ADGRL3: variants seen among roughly 807,000 people sequenced by gnomAD.
ADGRL3 encodes calcium-independent alpha-latrotoxin receptor 3.
Under a neutral mutation model 153.5 loss-of-function variants are expected in ADGRL3, and 62 were observed. That is an observed-to-expected ratio of 0.40 (90% CI 0.33 to 0.50). ADGRL3 has a LOEUF of 0.50. Among genes scored for constraint, ADGRL3 ranks in the 20% least tolerant of loss-of-function variants. The pLI is 0.47. For synonymous variants in ADGRL3, 710 were observed against 672.5 expected, an observed-to-expected ratio of 1.06 and a Z score of -0.86; for missense variants, 1,641 against 1,859.4, an observed-to-expected ratio of 0.88 and a Z score of 2.16.
At chr4:62,039,271 G>A (rs1053943422) in intron 24 of ADGRL3, among the ~76,000 whole-genome samples, 2 of 151,986 alleles carry the variant, frequency 1.3e-5, no homozygotes, top group Non-Finnish European at 2.9e-5. Context: ...CACATCAACT[G>A]TCAGACTAGT....
intron 8 of ADGRL3, among the ~76,000 whole-genome samples, chr4:61,754,693 T>C (rs113726791): frequency 0.086 from 13,144 of 152,056 alleles, 1,210 homozygotes; most frequent in African/African-American, 0.23. Context: ...TATGTATACA[T>C]GTGCCATGTT....
chr4:62,059,467 G>C (rs919542240), intron 25 of ADGRL3, among the ~76,000 whole-genome samples: 2 of 152,130 alleles, frequency 1.3e-5, no homozygotes, highest in Admixed American at 6.6e-5. Flanking sequence ...GAAAGTGAGT[G>C]CTAGACAGTA....
At chr4:61,982,601 G>A (rs1226060658) in intron 18 of ADGRL3, among the ~76,000 whole-genome samples, 1 of 152,148 alleles carries the variant, frequency 6.6e-6, no homozygotes, top group African/African-American at 2.4e-5. Flanking sequence ...TTAAGGAACT[G>A]ACATAAGAGT....
At chr4:61,426,378 C>G (rs892425572) in intron 2 of ADGRL3, among the ~76,000 whole-genome samples, 1 of 152,136 alleles carries the variant, frequency 6.6e-6, no homozygotes, top group African/African-American at 2.4e-5. Context: ...TAGGCTGGAC[C>G]GCAACAGCAG....
At chr4:61,718,995 G>A (rs569720301) in intron 6 of ADGRL3, among the ~76,000 whole-genome samples, 1 of 152,266 alleles carries the variant, frequency 6.6e-6, no homozygotes, top group African/African-American at 2.4e-5. Flanking sequence ...GAATGAGAGG[G>A]AAAGCATACT....
At chr4:61,913,829 TAGTC>T (rs1184688914) in intron 13 of ADGRL3, among the ~76,000 whole-genome samples, 1 of 152,166 alleles carries the variant, frequency 6.6e-6, no homozygotes, top group Non-Finnish European at 1.5e-5. Flanking sequence ...GGGGCAAACT[TAGTC>T]AGATTATGAA....
Position 61,305,192 on chromosome 4 carries a change from T to C in ADGRL3, c.-239-77932T>C, listed in dbSNP as rs539242758. On this transcript the variant is annotated intron_variant, in intron 1 of 26. Coordinates refer to ENST00000683033, the MANE Select transcript of ADGRL3 (RefSeq NM_001387552.1). ...CAAGTGACTTTTTTTTTTTTAACTA[T>C]TTTGAGTCTATAATAAATAAGATAC... 2.3e-4 allele frequency among the ~76,000 whole-genome samples: 35 copies of C among 152,222 alleles called. No individual in the cohort carries two copies. In the South Asian group the frequency reaches 2.7e-3, roughly 12 times the overall value.
chr4:61,868,083 T>C (rs1247615857), intron 9 of ADGRL3, among the ~76,000 whole-genome samples: 6 of 152,208 alleles, frequency 3.9e-5, no homozygotes, highest in African/African-American at 4.8e-5. Flanking sequence ...AAAATTTAAA[T>C]TGAATCGTAT....
intron 8 of ADGRL3, among the ~76,000 whole-genome samples, chr4:61,770,969 ACAAGGTCAT>A (rs1180185083): frequency 6.6e-6 from 1 of 152,200 alleles, no homozygotes; most frequent in African/African-American, 2.4e-5. Flanking sequence ...ATAATTAGGC[ACAAGGTCAT>A]CAAAGAGTGA....
chr4:61,972,833 T>C (rs1267427833), intron 17 of ADGRL3, among the ~76,000 whole-genome samples: 2 of 152,148 alleles, frequency 1.3e-5, no homozygotes, highest in African/African-American at 4.8e-5. Context: ...GAGGCAATTT[T>C]AAACTCATAT....
intron 5 of ADGRL3, among the ~76,000 whole-genome samples, chr4:61,642,385 T>A (rs1327700925): frequency 1.3e-5 from 2 of 152,216 alleles, no homozygotes; most frequent in Non-Finnish European, 2.9e-5. Flanking sequence ...TGAATGGTAA[T>A]GCCTAGGTTT....
intron 1 of ADGRL3, among the ~76,000 whole-genome samples, chr4:61,373,387 A>G (rs1253490296): frequency 6.6e-6 from 1 of 152,130 alleles, no homozygotes; most frequent in Non-Finnish European, 1.5e-5. Flanking sequence ...GAGACATAAC[A>G]ATTTTTCATT....
intron 8 of ADGRL3, among the ~76,000 whole-genome samples, chr4:61,784,129 A>G (rs972751510): frequency 1.3e-5 from 2 of 152,110 alleles, no homozygotes; most frequent in African/African-American, 2.4e-5. Flanking sequence ...AATATTTTTC[A>G]TCAATAACTT....
chr4:61,581,794 G>C (rs1293040871), intron 4 of ADGRL3, among the ~76,000 whole-genome samples: 1 of 151,878 alleles, frequency 6.6e-6, no homozygotes, highest in African/African-American at 2.4e-5. Flanking sequence ...AGCCATTCTT[G>C]TCACTCTCTC....
At chr4:61,475,547 AC>A (rs1259498057) in intron 2 of ADGRL3, among the ~76,000 whole-genome samples, 1 of 152,080 alleles carries the variant, frequency 6.6e-6, no homozygotes, top group Non-Finnish European at 1.5e-5. Context: ...TAGCAAAGCC[AC>A]TCTGATTTTT....
intron 6 of ADGRL3, among the ~76,000 whole-genome samples, chr4:61,710,467 T>G (rs1199928121): frequency 6.6e-6 from 1 of 152,192 alleles, no homozygotes; most frequent in East Asian, 1.9e-4. Context: ...CCAGAGCCAT[T>G]GTCTTTTACC....
At chr4:61,454,739 G>A (rs1045160371) in intron 2 of ADGRL3, among the ~76,000 whole-genome samples, 69 of 152,074 alleles carry the variant, frequency 4.5e-4, no homozygotes, top group African/African-American at 1.6e-3. Flanking sequence ...TTTTGTCTAT[G>A]CAAGACTCAT....
chr4:61,295,958 A>G (rs1004408545), intron 1 of ADGRL3, among the ~76,000 whole-genome samples: 1 of 152,154 alleles, frequency 6.6e-6, no homozygotes, highest in Non-Finnish European at 1.5e-5. Flanking sequence ...GTCTCAAAAA[A>G]TTAAAGCAAA....
chr4:61,463,015 A>G (rs1048317266), intron 2 of ADGRL3, among the ~76,000 whole-genome samples: 1 of 152,176 alleles, frequency 6.6e-6, no homozygotes, highest in African/African-American at 2.4e-5. Context: ...ACAGTCTTCT[A>G]AAGGTGAAAT....
Sources: allele counts gnomAD v4.1 joint callset (sites outside exome capture counted in the v4.1 genomes callset), GRCh38; gene constraint gnomAD v4.1.1; transcripts MANE v1.5; gene names NCBI Gene and HGNC (gene_info 2026-07-23, HGNC 2026-07-21).